Variants in MAPK10 observed in about 807,000 individuals in gnomAD.
MAPK10 encodes the protein JNK3 alpha protein kinase.
In MAPK10, 25 loss-of-function variants were observed where a neutral mutation model predicts 59.3. The ratio of observed to expected loss-of-function variants is 0.42; its 90% CI spans 0.31 to 0.59. The LOEUF (loss-of-function observed/expected upper bound fraction) is 0.59, where lower values mean the gene tolerates loss of function less well. Ranked by LOEUF, MAPK10 falls within the 20% of genes least tolerant of loss-of-function variation. The probability of loss-of-function intolerance (pLI) is 0.15; values close to 1 mark genes in which losing one functional copy is unlikely to be tolerated. For missense variants in MAPK10, 351 were observed against 568.9 expected, an observed-to-expected ratio of 0.62 and a Z score of 3.90; for synonymous variants, 190 against 200.5, an observed-to-expected ratio of 0.95 and a Z score of 0.44.
At chr4:86,540,857 C>T (rs1312236225) in intron 1 of MAPK10, among the ~76,000 whole-genome samples, 1 of 151,916 alleles carries the variant, frequency 6.6e-6, no homozygotes, top group Non-Finnish European at 1.5e-5. Context: ...AATCCCAGCA[C>T]TTTGCGAGGC....
intron 9 of MAPK10, among the ~76,000 whole-genome samples, chr4:86,069,267 C>G (rs1403915982): frequency 6.6e-6 from 1 of 151,954 alleles, no homozygotes; most frequent in Non-Finnish European, 1.5e-5. Context: ...TTCTTCATCT[C>G]TATAATCTGG....
chr4:86,575,998 C>CGTGT (rs56886437), intron 1 of MAPK10, among the ~76,000 whole-genome samples: 1,939 of 147,360 alleles, frequency 0.013, 42 homozygotes, highest in African/African-American at 0.045. Context: ...TGTGTGTATG[C>CGTGT]GTGTGTGTGT....
chr4:86,258,422 C>A (rs1398262663), intron 2 of MAPK10, among the ~76,000 whole-genome samples: 2 of 152,118 alleles, frequency 1.3e-5, no homozygotes, highest in Admixed American at 1.3e-4. Flanking sequence ...GGGTTTTAAA[C>A]CCCTTCTATG....
intron 9 of MAPK10, chr4:86,081,501 A>G (rs1561453943): frequency 6.6e-6 from 1 of 151,102 alleles, no homozygotes; most frequent in Admixed American, 6.6e-5. Flanking sequence ...TAATCAACAG[A>G]AAAAAAAAGC....
chr4:86,364,715 T>A (rs1445440830), upstream of MAPK10, among the ~76,000 whole-genome samples: 1 of 152,180 alleles, frequency 6.6e-6, no homozygotes, highest in African/African-American at 2.4e-5. Context: ...GTGTGGTGTC[T>A]CACACCTGTA....
chr4:86,079,758 A>T (rs2050246187), intron 9 of MAPK10: 1 of 152,194 alleles, frequency 6.6e-6, no homozygotes, highest in African/African-American at 2.4e-5. Flanking sequence ...GTAAGACCAA[A>T]TCGGGAAAGA....
At chr4:86,345,583 G>A (rs1182431676) in intron 2 of MAPK10, among the ~76,000 whole-genome samples, 1 of 152,104 alleles carries the variant, frequency 6.6e-6, no homozygotes, top group African/African-American at 2.4e-5. Flanking sequence ...ATTAAGACTT[G>A]CCCAAGGGAA....
At chr4:86,120,110 A>T (rs1425099271) in intron 4 of MAPK10, 1 of 152,218 alleles carries the variant, frequency 6.6e-6, no homozygotes, top group African/African-American at 2.4e-5. Flanking sequence ...TATGCTCTGG[A>T]GTTCACTTGG....
At position 86,354,524 on chromosome 4, in the gene MAPK10, A is replaced by G. The variant is rs1733434464; in HGVS notation, c.-7+6T>C. The G allele has an allele frequency of 2.5e-6, 3 of 1,196,906 alleles. No homozygotes were observed. The highest frequency in any genetic ancestry group is 3.2e-5 in the East Asian group (1 of 31,492). The allele number at this position is 1,196,906 out of a possible 1,614,324, so 74.1% of individuals were successfully genotyped here. On this transcript the variant is annotated splice_donor_region_variant and intron_variant, in intron 2 of 13. Coordinates refer to ENST00000641462, the MANE Select transcript of MAPK10 (RefSeq NM_138982.4). Reference sequence around the variant, plus strand: ...GCTAAGGAATATTTTTAAATTGGCAACTCACCACAGCTTGTATGGTTTCTC... The same window carrying G: ...GCTAAGGAATATTTTTAAATTGGCAGCTCACCACAGCTTGTATGGTTTCTC...
At chr4:86,050,348 C>A (rs1372356908) in intron 11 of MAPK10, among the ~76,000 whole-genome samples, 1 of 152,142 alleles carries the variant, frequency 6.6e-6, no homozygotes, top group Non-Finnish European at 1.5e-5. Context: ...ATTAGTCAAT[C>A]TTCAATGGCA....
intron 1 of MAPK10, among the ~76,000 whole-genome samples, chr4:86,384,707 C>T (rs533401812): frequency 1.5e-4 from 23 of 152,254 alleles, no homozygotes; most frequent in African/African-American, 5.3e-4. Flanking sequence ...GTGGAGACGA[C>T]AGATTTGCCA....
At chr4:86,155,535 G>T (rs570094638) in intron 4 of MAPK10, among the ~76,000 whole-genome samples, 1 of 151,802 alleles carries the variant, frequency 6.6e-6, no homozygotes, top group Non-Finnish European at 1.5e-5. Flanking sequence ...GACCCCCAGT[G>T]GATGTCTGAA....
chr4:86,552,900 C>G (rs1759966246), intron 1 of MAPK10, among the ~76,000 whole-genome samples: 1 of 152,082 alleles, frequency 6.6e-6, no homozygotes, highest in African/African-American at 2.4e-5. Flanking sequence ...CAGCTTTCAC[C>G]CGGGCTTCCA....
chr4:86,492,283 A>G (rs1285358458), intron 1 of MAPK10, among the ~76,000 whole-genome samples: 1 of 152,242 alleles, frequency 6.6e-6, no homozygotes, highest in Non-Finnish European at 1.5e-5. Context: ...TCAGTACAGG[A>G]AAAGCAGGGT....
At chr4:86,517,801 T>C (rs1454957302) in intron 1 of MAPK10, among the ~76,000 whole-genome samples, 1 of 152,184 alleles carries the variant, frequency 6.6e-6, no homozygotes. Context: ...TATTTTGAGG[T>C]TTTATTTCAA....
chr4:86,387,450 G>A (rs1741624456), intron 1 of MAPK10, among the ~76,000 whole-genome samples: 1 of 152,092 alleles, frequency 6.6e-6, no homozygotes, highest in Non-Finnish European at 1.5e-5. Context: ...AACTATTTAG[G>A]TTGTGCAAGG....
intron 1 of MAPK10, among the ~76,000 whole-genome samples, chr4:86,386,230 G>A (rs945573509): frequency 2.0e-5 from 3 of 152,192 alleles, no homozygotes; most frequent in African/African-American, 7.2e-5. Context: ...TGACATTGGA[G>A]ATACGATTCG....
At chr4:86,565,977 T>A (rs1761034562) in intron 1 of MAPK10, among the ~76,000 whole-genome samples, 1 of 152,192 alleles carries the variant, frequency 6.6e-6, no homozygotes, top group Non-Finnish European at 1.5e-5. Flanking sequence ...CTCTTGTAAC[T>A]TCTCCATTGC....
intron 1 of MAPK10, among the ~76,000 whole-genome samples, chr4:86,570,483 C>CA (rs558737307): frequency 2.1e-4 from 32 of 149,396 alleles, no homozygotes; most frequent in South Asian, 4.2e-4. Context: ...TTACTTTTGC[C>CA]AAAAAAAAAT....
Sources: gnomAD v4.1 joint callset for allele counts (sites outside exome capture counted in the v4.1 genomes callset) on GRCh38, gnomAD v4.1.1 for gene constraint, MANE v1.5 for transcripts, NCBI Gene and HGNC (gene_info 2026-07-23, HGNC 2026-07-21) for gene names.